PSME4: variants seen among roughly 807,000 people sequenced by gnomAD.
The protein encoded by PSME4 is proteasome activator subunit 4.
PSME4 carries 89 observed loss-of-function variants against 253.9 expected under a neutral mutation model. The ratio of observed to expected loss-of-function variants is 0.35; its 90% confidence interval spans 0.30 to 0.42. PSME4 has a LOEUF of 0.42. Among genes scored for constraint, PSME4 ranks in the 10% least tolerant of loss-of-function variants. The pLI is 1.00. For synonymous variants in PSME4, 851 were observed against 759.2 expected, an observed-to-expected ratio of 1.12 and a Z score of -1.99; for missense variants, 2,014 against 2,195.2, an observed-to-expected ratio of 0.92 and a Z score of 1.65.
At chr2:53,936,717 G>T in intron 6 of PSME4, 47 bp downstream of exon 6, 1 of 1,157,716 alleles carries the variant, frequency 8.6e-7, no homozygotes, top group Non-Finnish European at 1.2e-6. Flanking sequence ...GGGGAAAAAA[G>T]AAAAAAAAAA....
intron 44 of PSME4, 83 bp from the exon 45 acceptor site, chr2:53,866,963 T>C: frequency 7.5e-7 from 1 of 1,339,080 alleles, no homozygotes; most frequent in Middle Eastern, 1.9e-4. Flanking sequence ...TAGTTTTCAA[T>C]TGTGTTGTTT....
In PSME4 at chr2:53,910,063, G is replaced by C; in HGVS notation, c.2572+12C>G. ...AATCCACACAGATTTACTCAGATTA[G>C]GATTCACATACCATATTCAAGTCCA... On this transcript the variant is annotated intron_variant, in intron 21 of 46. Coordinates refer to ENST00000404125, the MANE Select transcript of PSME4 (RefSeq NM_014614.3). 2.5e-6 allele frequency: 4 copies of C among 1,583,476 alleles called. No individual in the cohort carries two copies. The highest frequency in any genetic ancestry group is 3.5e-6 in the Non-Finnish European group (4 of 1,152,390).
intron 1 of PSME4, among the ~76,000 whole-genome samples, chr2:53,954,076 T>C (rs1029490740): frequency 1.3e-5 from 2 of 151,456 alleles, no homozygotes; most frequent in African/African-American, 2.4e-5. Flanking sequence ...ACGCCTGTAA[T>C]CCCAGCACTT....
intron 38 of PSME4, among the ~76,000 whole-genome samples, 182 bp downstream of exon 38, chr2:53,888,539 T>C (rs959837165): frequency 6.6e-6 from 1 of 152,216 alleles, no homozygotes; most frequent in East Asian, 1.9e-4. Flanking sequence ...CACTTACTTG[T>C]CCAACTAATA....
intron 37 of PSME4, among the ~76,000 whole-genome samples, chr2:53,889,826 C>T (rs1214462452): frequency 2.9e-4 from 44 of 152,108 alleles, no homozygotes; most frequent in Admixed American, 2.9e-3. Context: ...ATAATAATCA[C>T]TTAAGAGTTA....
intron 20 of PSME4, 64 bp from the exon 21 acceptor site, chr2:53,910,194 G>C: frequency 7.4e-7 from 1 of 1,350,158 alleles, no homozygotes; most frequent in East Asian, 2.3e-5. Flanking sequence ...AAAGGGAAAA[G>C]TTTCATTGCT....
At chr2:53,886,187 C>A (rs1679627851) in intron 40 of PSME4, among the ~76,000 whole-genome samples, 1 of 152,100 alleles carries the variant, frequency 6.6e-6, no homozygotes. Context: ...GCGGGAGGAT[C>A]CCTTGAGCTC....
At chr2:53,958,788 CTAAACTT>C (rs1368893454) in intron 1 of PSME4, among the ~76,000 whole-genome samples, 1 of 147,824 alleles carries the variant, frequency 6.8e-6, no homozygotes, top group Non-Finnish European at 1.5e-5. Context: ...CACTTTTAGA[CTAAACTT>C]TAAAATCTAC....
chr2:53,921,283 T>A (rs1326493454), intron 17 of PSME4, among the ~76,000 whole-genome samples, 179 bp from the exon 18 acceptor site: 2 of 152,042 alleles, frequency 1.3e-5, no homozygotes, highest in African/African-American at 2.4e-5. Flanking sequence ...ATCAAACACA[T>A]TTTCTGAGCT....
At position 53,940,972 on chromosome 2, in the gene PSME4, T is replaced by TACATATTTAA. The variant is rs1223417483; in HGVS notation, c.501-973_501-972insTTAAATATGT. On this transcript the variant is annotated intron_variant, in intron 3 of 46. Coordinates refer to ENST00000404125, the MANE Select transcript of PSME4 (RefSeq NM_014614.3). ...ATATACATATATATATATATATATATATATATATATATATATATATATATA... is the reference window on the plus strand; with the variant it reads ...ATATACATATATATATATATATATATACATATTTAAATATATATATATATATATATATATA... 3.0e-3 allele frequency among the ~76,000 whole-genome samples: 189 copies of TACATATTTAA among 62,914 alleles called. 6 individuals carry two copies. Among genetic ancestry groups the TACATATTTAA allele is most frequent in the African/African-American group, 8.1e-3 (156 of 19,150 alleles). 41.3% of individuals were successfully genotyped at this position (62,914 alleles called of 152,430 possible). A position where few individuals can be genotyped will look rare whatever the true frequency, so the allele number is the denominator to read the frequency against.
At chr2:53,894,090 T>A (rs1406671393) in intron 34 of PSME4, among the ~76,000 whole-genome samples, 5 of 152,132 alleles carry the variant, frequency 3.3e-5, no homozygotes, top group Admixed American at 2.6e-4. Context: ...AAAGCCACTG[T>A]AACACCTGGT....
At chr2:53,945,937 C>T (rs1035197444) in intron 3 of PSME4, among the ~76,000 whole-genome samples, 10 of 152,122 alleles carry the variant, frequency 6.6e-5, no homozygotes, top group African/African-American at 2.2e-4. Flanking sequence ...AATGCTGAGT[C>T]TGTTAAGAGT....
intron 34 of PSME4, among the ~76,000 whole-genome samples, chr2:53,894,695 A>G (rs1680062830): frequency 6.6e-6 from 1 of 152,216 alleles, no homozygotes; most frequent in African/African-American, 2.4e-5. Flanking sequence ...TCAGTCATTA[A>G]CTTTTCCTTC....
intron 41 of PSME4, among the ~76,000 whole-genome samples, chr2:53,882,550 TAA>T (rs771219603): frequency 9.2e-4 from 140 of 152,154 alleles, no homozygotes; most frequent in Non-Finnish European, 1.8e-3. Context: ...ATGAGAGGGA[TAA>T]AGTTCAGAGG....
intron 42 of PSME4, 23 bp downstream of exon 42, chr2:53,875,604 A>G (rs759637933): frequency 8.8e-6 from 14 of 1,590,842 alleles, no homozygotes; most frequent in Admixed American, 3.7e-5. Flanking sequence ...ATCAAAAGAC[A>G]TAAATATTAT....
chr2:53,888,058 GAC>G, intron 38 of PSME4, 69 bp from the exon 39 acceptor site: 2 of 1,435,400 alleles, frequency 1.4e-6, no homozygotes, highest in Non-Finnish European at 9.3e-7. Flanking sequence ...AGTATGGACA[GAC>G]AATATCTGTA....
chr2:53,899,739 A>G, intron 29 of PSME4, 142 bp downstream of exon 29: 1 of 993,198 alleles, frequency 1.0e-6, no homozygotes, highest in Non-Finnish European at 1.5e-6. Context: ...AAGAGCTTAA[A>G]CCCAGGAGGT....
In PSME4 at chr2:53,866,752, T is replaced by C. The variant is rs371242545; in HGVS notation, c.5392A>G (p.Ile1798Val). The C allele has an allele frequency of 3.7e-6, 6 of 1,612,624 alleles. No homozygotes were observed. Among genetic ancestry groups the C allele is most frequent in the African/African-American group, 1.3e-5 (1 of 74,846 alleles). ...CTAATAAGGAAGAACTGTACCTCAATAGGCTGAGGATCATTTAGATGTGCA... is the reference window on the plus strand; with the variant it reads ...CTAATAAGGAAGAACTGTACCTCAACAGGCTGAGGATCATTTAGATGTGCA... ...LSAHLNDPQP[I>V]EMTVKKTLSN... Residue 1798 changes from isoleucine (I) to valine (V), a missense_variant, in exon 45 of 47, where the codon ATT becomes GTT. Physicochemically the swap from Ile to Val is conservative, Grantham distance 29. This residue lies in a region of PSME4 where 403 missense variants were observed against 556.1 expected (regional missense o/e 0.72). Coordinates refer to ENST00000404125, the MANE Select transcript of PSME4 (RefSeq NM_014614.3).
intron 29 of PSME4, 139 bp from the exon 30 acceptor site, chr2:53,898,493 G>C (rs1050900196): frequency 8.7e-5 from 53 of 611,130 alleles, no homozygotes; most frequent in Non-Finnish European, 1.4e-4. Context: ...GGCCTGATGA[G>C]AAGCAAGCCA....
Sources: gnomAD v4.1 joint callset for allele counts (sites outside exome capture counted in the v4.1 genomes callset) on GRCh38, gnomAD v4.1.1 for gene constraint, gnomAD v4.1.1 regional missense constraint, MANE v1.5 for transcripts, NCBI Gene and HGNC (gene_info 2026-07-23, HGNC 2026-07-21) for gene names.